HEATR4: variants seen among roughly 807,000 people sequenced by gnomAD.
The protein encoded by HEATR4 is HEAT repeat containing 4, also known as HEAT repeat-containing protein 4.
Under a neutral mutation model 108.8 loss-of-function variants are expected in HEATR4, and 95 were observed. The ratio of observed to expected loss-of-function variants is 0.87; its 90% CI spans 0.74 to 1.04. The LOEUF is 1.04. HEATR4 is among the 50% of genes least tolerant of loss of function. The pLI, the probability that HEATR4 is intolerant of heterozygous loss-of-function variation, is 0.00. For missense variants in HEATR4, 1,152 were observed against 1,253.8 expected (o/e 0.92, Z 1.23); for synonymous variants, 443 against 459.4 (o/e 0.96, Z 0.46).
At chr14:73,569,882 A>G in the HEATR4 span, 2 of 1,603,370 alleles carry the variant, frequency 1.2e-6, no homozygotes, top group Middle Eastern at 1.7e-4. Context: ...TCCTGCCGCC[A>G]GGTGACTCAC....
At position 73,522,783 on chromosome 14, in the gene HEATR4, A is replaced by G. The variant is rs1888056395; in HGVS notation, c.370T>C (p.Ser124Pro). Residue 124 changes from serine to proline, a missense_variant, in exon 3 of 18, where the codon TCC (serine) becomes CCC (proline). Physicochemically the swap from Ser to Pro is moderately conservative, Grantham distance 74 (BLOSUM62 -1). Transcript: ENST00000553558. ...GTGTCTCCTGTTAAGGGACTTGAGG[A>G]ACCCAGGAACTTGAAGCTAACAGGT... is the stretch of plus-strand genomic sequence containing the variant. The part of the protein sequence containing the change: ...QKPVSFKFLG[S>P]SSPLTGDTSL... 1 of 1,614,070 alleles carries G rather than the reference A, an allele frequency of 6.2e-7. No individual in the cohort carries two copies. The highest frequency in any genetic ancestry group is 1.3e-5 in the African/African-American group (1 of 74,936).
At chr14:73,583,348 C>CT in the HEATR4 span, among the ~76,000 whole-genome samples, 2 of 129,102 alleles carry the variant, frequency 1.5e-5, no homozygotes, top group Admixed American at 1.5e-4. Flanking sequence ...GACTCCGTCT[C>CT]AAAAAAAAAA....
At chr14:73,596,179 C>A in the HEATR4 span, 1 of 152,514 alleles carries the variant, frequency 6.6e-6, no homozygotes, top group African/African-American at 2.4e-5. Flanking sequence ...GGGTGAATTA[C>A]TACGATCTAT....
In HEATR4 at chr14:73,523,177, T is replaced by C; in HGVS notation, c.-25A>G. On this transcript the variant is annotated 5_prime_UTR_variant, in exon 3 of 18. Coordinates refer to ENST00000553558, the MANE Select transcript of HEATR4 (RefSeq NM_001220484.1). ...TACCGCGTCCCAGCAAATGCTTCCT[T>C]CCACACTGCCTGGCCTAGAGGAAAG... 6.5e-7 allele frequency: 1 copy of C among 1,545,044 alleles called. No individual in the cohort carries two copies. Among genetic ancestry groups the C allele is most frequent in the South Asian group, 1.2e-5 (1 of 84,402 alleles).
chr14:73,561,328 T>G (rs1328778675), upstream of HEATR4, among the ~76,000 whole-genome samples: 2 of 149,452 alleles, frequency 1.3e-5, no homozygotes, highest in Non-Finnish European at 3.0e-5. Context: ...ATCTCGCCAT[T>G]GTGGTCCAGC....
intron 17 of HEATR4, among the ~76,000 whole-genome samples, chr14:73,490,106 C>G (rs1885619748): frequency 1.3e-5 from 2 of 152,176 alleles, no homozygotes; most frequent in South Asian, 4.1e-4. Context: ...CCTGGGGAGT[C>G]TCTAGTAACT....
chr14:73,564,998 T>C, the HEATR4 span, among the ~76,000 whole-genome samples: 1 of 152,098 alleles, frequency 6.6e-6, no homozygotes, highest in African/African-American at 2.4e-5. Flanking sequence ...ATTCTTCTGC[T>C]ATATAACTTT....
In HEATR4 at chr14:73,558,835, T is replaced by C. The variant is rs1889452637; in HGVS notation, c.-236A>G. The C allele has an allele frequency of 6.6e-6, 1 of 151,194 alleles. No homozygotes were observed. Among genetic ancestry groups the C allele is most frequent in the Non-Finnish European group, 1.5e-5 (1 of 67,802 alleles). The allele number at this position is 151,194 out of a possible 1,614,324, so 9.4% of individuals were successfully genotyped here. ...CTGACACCATCCAGCACCTTTCAGA[T>C]ACTGGCAAAGGAGCAGTGTTTCAAA... On this transcript the variant is annotated 5_prime_UTR_variant, in exon 1 of 18. Transcript: ENST00000553558.
the HEATR4 span, among the ~76,000 whole-genome samples, chr14:73,578,680 G>A: frequency 6.6e-6 from 1 of 152,126 alleles, no homozygotes; most frequent in African/African-American, 2.4e-5. Context: ...GGCCGGGTGC[G>A]GTGGCTTATG....
intron 1 of HEATR4, among the ~76,000 whole-genome samples, chr14:73,549,054 C>T (rs1889281134): frequency 8.9e-6 from 1 of 112,946 alleles, no homozygotes; most frequent in Non-Finnish European, 1.9e-5. Flanking sequence ...ATGTATTGCT[C>T]ACAGTTTTGG....
rs529991322 is a variant in HEATR4 at position 73,548,950 on chromosome 14, C to CT, written c.-152+9800dup. On this transcript the variant is annotated intron_variant, in intron 1 of 17. Coordinates refer to ENST00000553558, the MANE Select transcript of HEATR4 (RefSeq NM_001220484.1). ...GCCTCACATCTTTCTCTCTCTCTCTCTTTTTTTTTTTTCTGGTGGTGAGGA... is the reference window on the plus strand; with the variant it reads ...GCCTCACATCTTTCTCTCTCTCTCTCTTTTTTTTTTTTTCTGGTGGTGAGGA... Among the ~76,000 whole-genome samples the CT allele has an allele frequency of 1.8e-3, 189 of 104,736 alleles. 41 individuals are homozygous for CT. The highest frequency in any genetic ancestry group is 0.017 in the East Asian group (22 of 1,288). 68.7% of individuals were successfully genotyped at this position (104,736 alleles called of 152,430 possible). A position where few individuals can be genotyped will look rare whatever the true frequency, so the allele number is the denominator to read the frequency against.
chr14:73,517,182 C>T (rs1313440014), intron 5 of HEATR4: 5 of 152,186 alleles, frequency 3.3e-5, no homozygotes, highest in East Asian at 3.9e-4. Flanking sequence ...GCATCAGCCT[C>T]GCGAGTGGCT....
chr14:73,573,113 C>T, the HEATR4 span, among the ~76,000 whole-genome samples: 1 of 151,692 alleles, frequency 6.6e-6, no homozygotes, highest in Admixed American at 6.6e-5. Context: ...TTCTATGTAG[C>T]AGTCTTTCTT....
Position 73,537,542 on chromosome 14 carries a change from G to T in HEATR4, c.-151-7298C>A, listed in dbSNP as rs1391042538. Reference sequence around the variant, plus strand: ...CACGCTGCGCGCGTCCCTGCGCGACGAGAAGGGCGCGCTTTTCCAGGCCCA... The same window carrying T: ...CACGCTGCGCGCGTCCCTGCGCGACTAGAAGGGCGCGCTTTTCCAGGCCCA... On this transcript the variant is annotated intron_variant, in intron 1 of 17. Transcript: ENST00000553558. 1.5e-5 allele frequency: 18 copies of T among 1,213,018 alleles called. 3 individuals carry two copies. The highest frequency in any genetic ancestry group is 1.9e-5 in the Non-Finnish European group (18 of 923,150). The allele number at this position is 1,213,018 out of a possible 1,614,324, so 75.1% of individuals were successfully genotyped here.
chr14:73,592,141 A>C, the HEATR4 span: 1 of 1,590,266 alleles, frequency 6.3e-7, no homozygotes, highest in Non-Finnish European at 8.5e-7. Flanking sequence ...GGCGAGCTGG[A>C]CCTGGAGCGC....
intron 7 of HEATR4, among the ~76,000 whole-genome samples, chr14:73,510,330 CTG>C (rs1887165115): frequency 6.6e-6 from 1 of 152,054 alleles, no homozygotes; most frequent in Non-Finnish European, 1.5e-5. Context: ...GTTCATAAGA[CTG>C]TCATGGGCCA....
chr14:73,595,707 G>A, the HEATR4 span: 3,571 of 1,495,136 alleles, frequency 2.4e-3, 79 homozygotes, highest in African/African-American at 0.044. Context: ...CTAGTGTTCA[G>A]TAACCCTATG....
At chr14:73,632,171 C>T in the HEATR4 span, among the ~76,000 whole-genome samples, 3 of 151,386 alleles carry the variant, frequency 2.0e-5, no homozygotes, top group African/African-American at 7.3e-5. Flanking sequence ...ATGGGGGTCT[C>T]GTTATGTTGC....
rs375758117 is a variant in HEATR4 at position 73,537,935 on chromosome 14, C to CTG, written c.-151-7693_-151-7692dup. 5,687 of 1,090,654 alleles carry CTG rather than the reference C, an allele frequency of 5.2e-3. 761 individuals carry two copies. In the African/African-American group the frequency reaches 0.076, roughly 15 times the overall value. 67.6% of individuals were successfully genotyped at this position (1,090,654 alleles called of 1,614,324 possible). Reference sequence around the variant, plus strand: ...CCCATCCCTGTTCCTGCGCTTTCCACTGTGTGTGTGTGTGTGTCCCCTTCG... The same window carrying CTG: ...CCCATCCCTGTTCCTGCGCTTTCCACTGTGTGTGTGTGTGTGTGTCCCCTTCG... On this transcript the variant is annotated intron_variant, in intron 1 of 17. Coordinates refer to ENST00000553558, the MANE Select transcript of HEATR4 (RefSeq NM_001220484.1).
Sources: allele counts gnomAD v4.1 joint callset (sites outside exome capture counted in the v4.1 genomes callset), GRCh38; gene constraint gnomAD v4.1.1; transcripts MANE v1.5; gene names NCBI Gene and HGNC (gene_info 2026-07-23, HGNC 2026-07-21).